The following KLC3 variants were observed in gnomAD, a reference collection of about 807,000 sequenced individuals.
KLC3 encodes kinesin light chain 3, also known as kinesin light chain 2.
In KLC3, 72 loss-of-function variants were observed where a neutral mutation model predicts 62.9. The ratio of observed to expected loss-of-function variants is 1.15; its 90% confidence interval spans 0.95 to 1.39. KLC3 has a LOEUF of 1.39. KLC3 is among the 40% of genes most tolerant of loss of function. The probability of loss-of-function intolerance (pLI) is 0.00; values close to 1 mark genes in which losing one functional copy is unlikely to be tolerated. For missense variants in KLC3, 848 were observed against 691.6 expected, an observed-to-expected ratio of 1.23 and a Z score of -2.54; for synonymous variants, 377 against 300.5, an observed-to-expected ratio of 1.25 and a Z score of -2.63.
chr19:45,345,438 G>A (rs1333896412), intron 1 of KLC3, 96 bp from the exon 2 acceptor site: 1 of 1,504,402 alleles, frequency 6.6e-7, no homozygotes, highest in African/African-American at 1.4e-5. Context: ...ATGGGGAGAA[G>A]TTAGGGGTCC....
chr19:45,343,125 G>A (rs1048633257), intron 1 of KLC3, among the ~76,000 whole-genome samples: 6 of 152,130 alleles, frequency 3.9e-5, no homozygotes, highest in South Asian at 4.1e-4. Context: ...GGAAACTGGC[G>A]AGGGATCCAT....
At chr19:45,351,050 G>C (rs976557090) in intron 12 of KLC3, 33 bp downstream of exon 12, 1 of 1,613,870 alleles carries the variant, frequency 6.2e-7, no homozygotes, top group Admixed American at 1.7e-5. Context: ...AAATAGAGGA[G>C]GCCATGTGGG....
chr19:45,347,831 T>C, intron 4 of KLC3, 110 bp from the exon 5 acceptor site: 1 of 897,248 alleles, frequency 1.1e-6, no homozygotes, highest in East Asian at 2.7e-5. Context: ...GGGCCCATAG[T>C]CCCAGGGGCC....
Position 45,347,951 on chromosome 19 carries a change from C to G in KLC3, c.570C>G (p.Ala190=). 6.2e-7 allele frequency: 1 copy of G among 1,603,330 alleles called. No homozygotes were observed. The highest frequency in any genetic ancestry group is 8.5e-7 in the Non-Finnish European group (1 of 1,175,284). The change falls in exon 5 of 13, where the codon GCC becomes GCG. Residue 190 remains alanine (A), a synonymous_variant. Coordinates refer to ENST00000391946, the MANE Select transcript of KLC3 (RefSeq NM_177417.3). ...CCCCACCCCACCTAGGTCCTGAGGC[C>G]GCAGGAGCAGCAGCTGCTCAGCAGG... ...SEEEERKGPE[A]AGAAAAQQGG... is the part of the protein sequence containing the mutation.
intron 7 of KLC3, 104 bp downstream of exon 7, chr19:45,349,025 G>A (rs563927345): frequency 3.4e-5 from 35 of 1,021,036 alleles, no homozygotes; most frequent in East Asian, 2.3e-4. Context: ...GGCCCCTTGC[G>A]TTTGGTATTG....
intron 1 of KLC3, among the ~76,000 whole-genome samples, chr19:45,342,746 A>C (rs1971418249): frequency 6.6e-6 from 1 of 152,158 alleles, no homozygotes; most frequent in African/African-American, 2.4e-5. Flanking sequence ...CAGTCTGGGC[A>C]ACAGAGCGAG....
chr19:45,346,449 T>TG, intron 2 of KLC3, 95 bp from the exon 3 acceptor site: 1 of 1,022,828 alleles, frequency 9.8e-7, no homozygotes, highest in African/African-American at 1.6e-5. Context: ...TGCATAGTAG[T>TG]GGGGTGCTAC....
rs748740150 is a variant in KLC3 at position 45,346,585 on chromosome 19, A to G, written c.300A>G (p.Ala100=). Reference sequence around the variant, plus strand: ...CGGCACATGTGGGTGCACTGGAGGCAGAGAAGCAGCGGCTGCGCTCGCAGG... The same window carrying G: ...CGGCACATGTGGGTGCACTGGAGGCGGAGAAGCAGCGGCTGCGCTCGCAGG... ...ALSAHVGALE[A]EKQRLRSQAR... Residue 100 remains alanine (A), a synonymous_variant, in exon 3 of 13, where the codon GCA becomes GCG. Transcript: ENST00000391946. 5.0e-5 allele frequency: 78 copies of G among 1,548,360 alleles called. No individual in the cohort carries two copies. Among genetic ancestry groups the G allele is most frequent in the Non-Finnish European group, 6.4e-5 (73 of 1,145,760 alleles).
intron 1 of KLC3, among the ~76,000 whole-genome samples, chr19:45,342,969 A>G (rs147710521): frequency 6.6e-6 from 1 of 152,258 alleles, no homozygotes; most frequent in African/African-American, 2.4e-5. Context: ...GCTTGAGTGA[A>G]GTGTGCGAGA....
intron 11 of KLC3, 55 bp downstream of exon 11, chr19:45,350,802 A>ACCCCCCCC: frequency 1.2e-6 from 1 of 821,432 alleles, no homozygotes; most frequent in South Asian, 1.5e-5. Context: ...TCCACAGCCC[A>ACCCCCCCC]CCCCACCCCC....
rs755622572 is a variant in KLC3, at chr19:45,346,781, C to T, written c.489+7C>T. ...CCCACCGGCGGAGAGCCAGGTGCCA[C>T]GGGCAGGGCGAGGCGGGGGGTGCTG... On this transcript the variant is annotated splice_region_variant and intron_variant, in intron 3 of 12. Coordinates refer to ENST00000391946, the MANE Select transcript of KLC3 (RefSeq NM_177417.3). The T allele has an allele frequency of 1.9e-5, 30 of 1,566,966 alleles. No homozygotes were observed. The highest frequency in any genetic ancestry group is 1.7e-4 in the Middle Eastern group (1 of 6,006).
In KLC3 at chr19:45,350,718, C is replaced by G. The variant is rs1568527962; in HGVS notation, c.1350C>G (p.Leu450=). The G allele has an allele frequency of 6.2e-7, 1 of 1,613,274 alleles. No homozygotes were observed. The highest frequency in any genetic ancestry group is 8.5e-7 in the Non-Finnish European group (1 of 1,179,776). The part of the protein sequence containing the change: ...RRGSEKLVSR[L]RGEAAAGAAG... ...GAAGTGAGAAGCTGGTCTCCCGGCTCCGAGGCGAGGCGGCGGCAGGAGCAG... is the reference window on the plus strand; with the variant it reads ...GAAGTGAGAAGCTGGTCTCCCGGCTGCGAGGCGAGGCGGCGGCAGGAGCAG... The change falls in exon 11 of 13, where the codon CTC becomes CTG. Residue 450 remains leucine, a synonymous_variant. Coordinates refer to ENST00000391946, the MANE Select transcript of KLC3 (RefSeq NM_177417.3).
Position 45,350,956 on chromosome 19 carries a change from T to G in KLC3, c.1382T>G (p.Met461Arg). The change falls in exon 12 of 13, where the codon ATG (methionine) becomes AGG (arginine). Residue 461 changes from methionine (M) to arginine (R), a missense_variant and splice_region_variant. Transcript: ENST00000391946. Reference sequence around the variant, plus strand: ...CCTCCCTGCTGCCCTCTTTGCAGAATGAAGAGAGCCATGTCACTCAACACA... The same window carrying G: ...CCTCCCTGCTGCCCTCTTTGCAGAAGGAAGAGAGCCATGTCACTCAACACA... Reference protein sequence around the residue: ...RGEAAAGAAGMKRAMSLNTLN... With the variant: ...RGEAAAGAAGRKRAMSLNTLN... 1.9e-6 allele frequency: 3 copies of G among 1,613,974 alleles called. No homozygotes were observed. Among genetic ancestry groups the G allele is most frequent in the Non-Finnish European group, 2.5e-6 (3 of 1,179,942 alleles).
At chr19:45,349,322 TCTG>T in intron 7 of KLC3, 104 bp from the exon 8 acceptor site, 1 of 1,174,084 alleles carries the variant, frequency 8.5e-7, no homozygotes. Flanking sequence ...CAGGTCACTC[TCTG>T]CTTTGACCCT....
At chr19:45,351,102 G>A in intron 12 of KLC3, 85 bp downstream of exon 12, 4 of 1,609,602 alleles carry the variant, frequency 2.5e-6, no homozygotes, top group East Asian at 2.2e-5. Flanking sequence ...TCGGGCCAGT[G>A]GTGGAGTCAG....
chr19:45,350,147 C>T (rs556145425), intron 8 of KLC3, 194 bp from the exon 9 acceptor site: 34 of 590,022 alleles, frequency 5.8e-5, no homozygotes, highest in Middle Eastern at 4.5e-4. Context: ...TGGGGCCAGA[C>T]GTGGTGGTTC....
At chr19:45,349,744 G>A in intron 8 of KLC3, 142 bp downstream of exon 8, 2 of 778,444 alleles carry the variant, frequency 2.6e-6, no homozygotes, top group Non-Finnish European at 4.0e-6. Flanking sequence ...GTCAGACACA[G>A]GAGCTGGCTC....
chr19:45,341,586 C>CGCGCGCGCGCGCGCGT (rs746391396), intron 1 of KLC3, among the ~76,000 whole-genome samples: 5 of 114,648 alleles, frequency 4.4e-5, no homozygotes, highest in Middle Eastern at 0.012. Flanking sequence ...TGTGCGCGCG[C>CGCGCGCGCGCGCGCGT]GCGTGTGGTG....
In KLC3 at chr19:45,345,577, G is replaced by A. The variant is rs77102211; in HGVS notation, c.36G>A (p.Gly12=). ...SVQVAAPGSA[G]LGPERLSPEE... is the part of the protein sequence containing the mutation. ...AGGTAGCGGCTCCTGGAAGTGCAGGGCTGGGCCCAGAGCGCCTGAGCCCTG... is the reference window on the plus strand; with the variant it reads ...AGGTAGCGGCTCCTGGAAGTGCAGGACTGGGCCCAGAGCGCCTGAGCCCTG... The change falls in exon 2 of 13, where the codon GGG becomes GGA. Residue 12 remains glycine (G), a synonymous_variant. Coordinates refer to ENST00000391946, the MANE Select transcript of KLC3 (RefSeq NM_177417.3). The A allele has an allele frequency of 1.1e-3, 1,752 of 1,567,562 alleles. 19 individuals are homozygous for A. The African/African-American group carries it at 0.021, about 19-fold the overall frequency.
Sources: gnomAD v4.1 joint callset for allele counts (sites outside exome capture counted in the v4.1 genomes callset) on GRCh38, gnomAD v4.1.1 for gene constraint, MANE v1.5 for transcripts, NCBI Gene and HGNC (gene_info 2026-07-23, HGNC 2026-07-21) for gene names.